The following PDE1C variants were observed in gnomAD, a reference collection of about 807,000 sequenced individuals.
PDE1C encodes the protein phosphodiesterase 1C.
In PDE1C, 62 loss-of-function variants were observed where a neutral mutation model predicts 93.1. That is an observed-to-expected ratio of 0.67 (90% CI 0.54 to 0.82). PDE1C has a LOEUF of 0.82. Among genes scored for constraint, PDE1C ranks in the 40% least tolerant of loss-of-function variants. The pLI is 0.00. For synonymous variants in PDE1C, 325 were observed against 310.1 expected (o/e 1.05, Z -0.50); for missense variants, 742 against 884.6 (o/e 0.84, Z 2.04).
rs1794150447 is a variant in PDE1C at position 31,751,775 on chromosome 7, A to G, written c.*1609T>C. The G allele has an allele frequency of 6.6e-6, 1 of 152,202 alleles. No homozygotes were observed. The highest frequency in any genetic ancestry group is 2.4e-5 in the African/African-American group (1 of 41,444). The allele number at this position is 152,202 out of a possible 1,614,324, so 9.4% of individuals were successfully genotyped here. On this transcript the variant is annotated 3_prime_UTR_variant, in exon 18 of 18. Coordinates refer to ENST00000396191, the MANE Select transcript of PDE1C (RefSeq NM_001191057.4). ...CATTATAAATAAACTGCCCAATAGC[A>G]TGGTAGGCACTAAATTCCGGAACTT...
chr7:32,147,300 G>GAAA (rs768331550), intron 3 of PDE1C, among the ~76,000 whole-genome samples: 5 of 137,730 alleles, frequency 3.6e-5, no homozygotes, highest in African/African-American at 1.4e-4. Flanking sequence ...AAGAAAGAAA[G>GAAA]AAAGAAAGAA....
chr7:32,386,347 T>TA (rs1011189271), intron 1 of PDE1C, among the ~76,000 whole-genome samples: 4 of 89,194 alleles, frequency 4.5e-5, no homozygotes, highest in Admixed American at 1.4e-4. Flanking sequence ...CCTATTTAAT[T>TA]AAAAAATGGA....
At chr7:31,933,813 C>T (rs1300964512) in intron 2 of PDE1C, among the ~76,000 whole-genome samples, 1 of 152,094 alleles carries the variant, frequency 6.6e-6, no homozygotes, top group East Asian at 1.9e-4. Context: ...CAAGCTCCCA[C>T]TTCTTCTGCC....
At chr7:31,665,614 A>G in the PDE1C span, among the ~76,000 whole-genome samples, 1 of 152,188 alleles carries the variant, frequency 6.6e-6, no homozygotes, top group South Asian at 2.1e-4. Context: ...GGGGAGGAAA[A>G]CTATGTCCTC....
chr7:32,139,300 CTTTTTTTTTTTT>C (rs34277412), intron 3 of PDE1C, among the ~76,000 whole-genome samples: 2 of 82,924 alleles, frequency 2.4e-5, no homozygotes, highest in East Asian at 4.1e-4. Flanking sequence ...CAAAATCAAC[CTTTTTTTTTTTT>C]TTTTTTTTTT....
chr7:32,289,813 C>A (rs1290804374), intron 1 of PDE1C, among the ~76,000 whole-genome samples: 1 of 152,178 alleles, frequency 6.6e-6, no homozygotes, highest in Non-Finnish European at 1.5e-5. Flanking sequence ...TTCTCCTCCC[C>A]AAGCCCGTGG....
intron 2 of PDE1C, among the ~76,000 whole-genome samples, chr7:32,047,062 A>AGTGTGTGTGTGTGTGTGTGTGT (rs59580872): frequency 4.8e-5 from 7 of 145,868 alleles, no homozygotes; most frequent in African/African-American, 1.8e-4. Flanking sequence ...TGCGAGACAG[A>AGTGTGTGTGTGTGTGTGTGTGT]GTGTGTGTGT....
At chr7:31,723,107 T>C in the PDE1C span, among the ~76,000 whole-genome samples, 1 of 152,338 alleles carries the variant, frequency 6.6e-6, no homozygotes, top group East Asian at 1.9e-4. Flanking sequence ...ATCCTTGTAA[T>C]AACTGCTCAT....
At chr7:31,749,178 G>T (rs533718248), downstream of PDE1C, among the ~76,000 whole-genome samples, 161 of 152,122 alleles carry the variant, frequency 1.1e-3, no homozygotes, top group Non-Finnish European at 1.7e-3. Flanking sequence ...GAAGACAAGA[G>T]AATTTGCATT....
the PDE1C span, among the ~76,000 whole-genome samples, chr7:31,656,752 G>A: frequency 6.6e-6 from 1 of 152,114 alleles, no homozygotes; most frequent in Non-Finnish European, 1.5e-5. Context: ...TGTGATGGAG[G>A]AGAGAAAAGA....
chr7:31,840,024 G>C (rs945964084), intron 9 of PDE1C, among the ~76,000 whole-genome samples: 1 of 152,174 alleles, frequency 6.6e-6, no homozygotes, highest in Non-Finnish European at 1.5e-5. Flanking sequence ...GTGACAGAGA[G>C]AGACTGCATC....
intron 1 of PDE1C, among the ~76,000 whole-genome samples, chr7:32,278,471 G>T (rs1242782847): frequency 6.6e-6 from 1 of 152,098 alleles, no homozygotes; most frequent in Non-Finnish European, 1.5e-5. Flanking sequence ...GATCAAATGG[G>T]CCTTTAGTTT....
chr7:31,707,037 G>A, the PDE1C span, among the ~76,000 whole-genome samples: 14 of 152,312 alleles, frequency 9.2e-5, no homozygotes, highest in South Asian at 2.1e-3. Flanking sequence ...GGGAAGCCTA[G>A]ATAGAGCCAC....
chr7:32,401,090 T>C (rs1001119953), intron 1 of PDE1C, among the ~76,000 whole-genome samples: 3 of 152,228 alleles, frequency 2.0e-5, no homozygotes, highest in African/African-American at 7.2e-5. Flanking sequence ...TCTAAAATAG[T>C]GGTCTCAAAA....
intron 1 of PDE1C, among the ~76,000 whole-genome samples, chr7:32,346,865 A>C (rs140912930): frequency 6.6e-6 from 1 of 152,196 alleles, no homozygotes; most frequent in African/African-American, 2.4e-5. Context: ...ATTTACATAA[A>C]ATCTCTAGAA....
intron 3 of PDE1C, among the ~76,000 whole-genome samples, chr7:32,095,823 C>G (rs893154812): frequency 5.3e-4 from 80 of 152,260 alleles, no homozygotes; most frequent in African/African-American, 1.9e-3. Flanking sequence ...CAAACTAGAC[C>G]TAACTGAACA....
At chr7:32,036,987 C>T (rs182957780) in intron 2 of PDE1C, among the ~76,000 whole-genome samples, 1 of 152,266 alleles carries the variant, frequency 6.6e-6, no homozygotes, top group East Asian at 1.9e-4. Context: ...TGTTTCAATA[C>T]TATCTTCCTA....
intron 1 of PDE1C, among the ~76,000 whole-genome samples, chr7:32,259,115 T>C (rs1347846211): frequency 6.6e-6 from 1 of 152,196 alleles, no homozygotes; most frequent in African/African-American, 2.4e-5. Flanking sequence ...TTTTTAGGCA[T>C]TTCACGTGGT....
At chr7:31,707,264 G>C in the PDE1C span, 2 of 1,613,930 alleles carry the variant, frequency 1.2e-6, no homozygotes, top group Non-Finnish European at 1.7e-6. Flanking sequence ...GAAAAGGATG[G>C]TGACAAGATA....
Sources: allele counts gnomAD v4.1 joint callset (sites outside exome capture counted in the v4.1 genomes callset), GRCh38; gene constraint gnomAD v4.1.1; transcripts MANE v1.5; gene names NCBI Gene and HGNC (gene_info 2026-07-23, HGNC 2026-07-21).